SLC4A5: variants seen among roughly 807,000 people sequenced by gnomAD.
SLC4A5 encodes electrogenic sodium bicarbonate cotransporter 4.
Under a neutral mutation model 120.4 loss-of-function variants are expected in SLC4A5, and 96 were observed. The ratio of observed to expected loss-of-function variants is 0.80; its 90% confidence interval spans 0.68 to 0.94. The LOEUF (loss-of-function observed/expected upper bound fraction) is 0.94, where lower values mean the gene tolerates loss of function less well. Among genes scored for constraint, SLC4A5 ranks in the 40% least tolerant of loss-of-function variants. The pLI is 0.00. For missense variants in SLC4A5, 1,259 were observed against 1,459.5 expected (o/e 0.86, Z 2.24); for synonymous variants, 550 against 571.1 (o/e 0.96, Z 0.53).
intron 12 of SLC4A5, among the ~76,000 whole-genome samples, chr2:74,256,714 AC>A (rs1670975463): frequency 6.6e-6 from 1 of 152,148 alleles, no homozygotes; most frequent in South Asian, 2.1e-4. Context: ...TGCTGAAGAT[AC>A]CCCAGGGATG....
At chr2:74,241,914 GGT>G in intron 20 of SLC4A5, 78 bp downstream of exon 20, 1 of 1,341,608 alleles carries the variant, frequency 7.5e-7, no homozygotes, top group Non-Finnish European at 1.0e-6. Context: ...GCCATAAGTT[GGT>G]CTCATTTCCA....
intron 19 of SLC4A5, among the ~76,000 whole-genome samples, chr2:74,242,816 T>A (rs1223375720): frequency 6.6e-6 from 1 of 152,010 alleles, no homozygotes; most frequent in African/African-American, 2.4e-5. Context: ...CCATGCCTGG[T>A]TAATTTTTTG....
At chr2:74,236,278 C>G (rs1670266514) in intron 21 of SLC4A5, among the ~76,000 whole-genome samples, 1 of 152,220 alleles carries the variant, frequency 6.6e-6, no homozygotes, top group South Asian at 2.1e-4. Flanking sequence ...TTTACTTACA[C>G]TGTGCCTCCT....
At chr2:74,219,209 G>GTT (rs1398426258) in intron 30 of SLC4A5, among the ~76,000 whole-genome samples, 5 of 120,382 alleles carry the variant, frequency 4.2e-5, no homozygotes, top group African/African-American at 1.5e-4. Flanking sequence ...GTGTGTGTGT[G>GTT]TGTGTGTGTG....
intron 8 of SLC4A5, among the ~76,000 whole-genome samples, chr2:74,277,426 G>A (rs1030070265): frequency 1.3e-5 from 2 of 152,170 alleles, no homozygotes; most frequent in African/African-American, 2.4e-5. Flanking sequence ...GTGGGCGCCT[G>A]TAATCCCAGC....
chr2:74,232,600 C>A, exon 24 of SLC4A5: 14 of 1,613,902 alleles, frequency 8.7e-6, no homozygotes, highest in Non-Finnish European at 1.2e-5. Context: ...AGCACAAAGC[C>A]ATGAGGATGC....
intron 6 of SLC4A5, among the ~76,000 whole-genome samples, chr2:74,314,237 C>T (rs1039507010): frequency 6.6e-6 from 1 of 152,120 alleles, no homozygotes; most frequent in Non-Finnish European, 1.5e-5. Flanking sequence ...GGCTTGCCCT[C>T]CCCCAAGTCT....
intron 5 of SLC4A5, among the ~76,000 whole-genome samples, chr2:74,320,302 T>G (rs1160439628): frequency 1.3e-5 from 2 of 152,156 alleles, no homozygotes; most frequent in Non-Finnish European, 2.9e-5. Flanking sequence ...GAAAGAACTT[T>G]CGATCAGCTC....
intron 28 of SLC4A5, 102 bp from the exon 29 acceptor site, chr2:74,223,054 G>C: frequency 1.4e-6 from 1 of 701,484 alleles, no homozygotes; most frequent in Non-Finnish European, 2.3e-6. Flanking sequence ...GCCCAGGCTG[G>C]AGTGCAGTGG....
chr2:74,284,255 C>A (rs1390833973), intron 8 of SLC4A5, among the ~76,000 whole-genome samples: 1 of 78,568 alleles, frequency 1.3e-5, no homozygotes, highest in Non-Finnish European at 2.1e-5. Context: ...CGGCTCACTG[C>A]AAGCTCCGCT....
chr2:74,276,118 A>G (rs1418142299), intron 8 of SLC4A5, among the ~76,000 whole-genome samples: 3 of 152,184 alleles, frequency 2.0e-5, no homozygotes, highest in Non-Finnish European at 4.4e-5. Context: ...AAGAAGGAGA[A>G]AGAGTAGGCA....
At chr2:74,341,707 A>C (rs1055733638) in intron 2 of SLC4A5, among the ~76,000 whole-genome samples, 1 of 152,242 alleles carries the variant, frequency 6.6e-6, no homozygotes, top group African/African-American at 2.4e-5. Context: ...CTTCCTAAAA[A>C]AAGAGTCTGT....
intron 5 of SLC4A5, among the ~76,000 whole-genome samples, chr2:74,326,340 G>A (rs1673215930): frequency 6.6e-6 from 1 of 152,106 alleles, no homozygotes; most frequent in Admixed American, 6.5e-5. Flanking sequence ...TGCCCAACTA[G>A]CTCACTGTTA....
At chr2:74,273,026 G>T (rs1671524420) in intron 8 of SLC4A5, among the ~76,000 whole-genome samples, 1 of 152,208 alleles carries the variant, frequency 6.6e-6, no homozygotes, top group Admixed American at 6.5e-5. Context: ...GCTGCATTAG[G>T]ATCATCTGGG....
chr2:74,259,868 C>G (rs549297753), intron 11 of SLC4A5, among the ~76,000 whole-genome samples: 1 of 152,312 alleles, frequency 6.6e-6, no homozygotes, highest in Non-Finnish European at 1.5e-5. Flanking sequence ...TTCCTTCTCC[C>G]TCCTCAATCT....
intron 6 of SLC4A5, chr2:74,308,068 T>A: frequency 4.1e-6 from 2 of 482,290 alleles, no homozygotes; most frequent in Non-Finnish European, 8.2e-6. Context: ...CCTCATTTCT[T>A]TCTATCTCTG....
chr2:74,261,626 CA>C (rs982707167), intron 11 of SLC4A5, among the ~76,000 whole-genome samples: 19 of 152,146 alleles, frequency 1.2e-4, no homozygotes, highest in Non-Finnish European at 2.2e-4. Context: ...ACCTGTCTGT[CA>C]CCTCTCACCT....
intron 21 of SLC4A5, among the ~76,000 whole-genome samples, chr2:74,235,754 C>T (rs935697456): frequency 5.9e-5 from 9 of 152,194 alleles, no homozygotes; most frequent in Non-Finnish European, 8.8e-5. Context: ...TCTCTTGTTC[C>T]GCTGTTTCTC....
chr2:74,279,996 C>T (rs990973470), intron 8 of SLC4A5, among the ~76,000 whole-genome samples: 1 of 152,174 alleles, frequency 6.6e-6, no homozygotes, highest in Admixed American at 6.6e-5. Flanking sequence ...CCATTCTCCA[C>T]ACTAAAGTGA....
Sources: allele counts gnomAD v4.1 joint callset (sites outside exome capture counted in the v4.1 genomes callset), GRCh38; gene constraint gnomAD v4.1.1; transcripts MANE v1.5; gene names NCBI Gene and HGNC (gene_info 2026-07-23, HGNC 2026-07-21).